EIF5B: variants seen among roughly 807,000 people sequenced by gnomAD.
EIF5B encodes the protein eukaryotic translation initiation factor 5B.
A neutral mutation model predicts 147.5 loss-of-function variants in EIF5B; 47 were observed. The ratio of observed to expected loss-of-function variants is 0.32; its 90% confidence interval spans 0.25 to 0.41. The LOEUF (loss-of-function observed/expected upper bound fraction) is 0.41, where lower values mean the gene tolerates loss of function less well. EIF5B is among the 10% of genes least tolerant of loss of function. The pLI is 1.00. For synonymous variants in EIF5B, 455 were observed against 456.2 expected (o/e 1.00, Z 0.03); for missense variants, 1,064 against 1,413.2 (o/e 0.75, Z 3.96).
chr2:99,384,705 A>G (rs943127215), intron 14 of EIF5B, among the ~76,000 whole-genome samples: 32 of 152,240 alleles, frequency 2.1e-4, no homozygotes, highest in African/African-American at 6.5e-4. Flanking sequence ...GAGGAATTCA[A>G]GATTTCAGTA....
chr2:99,346,663 C>T (rs933045092), intron 1 of EIF5B, among the ~76,000 whole-genome samples: 7 of 147,028 alleles, frequency 4.8e-5, no homozygotes, highest in Non-Finnish European at 8.9e-5. Context: ...CTCCACCTCC[C>T]GGGTTGATGC....
chr2:99,340,881 T>A (rs941464527), intron 1 of EIF5B, among the ~76,000 whole-genome samples: 2 of 152,154 alleles, frequency 1.3e-5, no homozygotes, highest in Non-Finnish European at 2.9e-5. Context: ...GCGATTCTCC[T>A]GCCTCAGCCT....
At chr2:99,377,482 A>G (rs1349448846) in intron 10 of EIF5B, among the ~76,000 whole-genome samples, 2 of 150,946 alleles carry the variant, frequency 1.3e-5, no homozygotes, top group African/African-American at 2.4e-5. Context: ...GCCTTTGCCT[A>G]CTAGATGCCT....
intron 21 of EIF5B, among the ~76,000 whole-genome samples, chr2:99,395,889 G>A (rs1292198146): frequency 6.6e-6 from 1 of 152,158 alleles, no homozygotes; most frequent in African/African-American, 2.4e-5. Flanking sequence ...GACCTGTATC[G>A]TCAAGGATCT....
At chr2:99,348,486 T>C (rs746936259) in intron 1 of EIF5B, among the ~76,000 whole-genome samples, 1 of 152,194 alleles carries the variant, frequency 6.6e-6, no homozygotes, top group Non-Finnish European at 1.5e-5. Context: ...TGATCAAAGA[T>C]GTTCTGGGTA....
chr2:99,346,407 A>C lies in EIF5B; in HGVS notation c.35+8818A>C, dbSNP rs532109259. On this transcript the variant is annotated intron_variant, in intron 1 of 23. Transcript: ENST00000289371. ...AACTTTTTGTTAAAATTTATTAGTA[A>C]TTATTAGTTTGTTAATATTAATGAT... Among the ~76,000 whole-genome samples the C allele has an allele frequency of 3.3e-5, 5 of 152,174 alleles. No individual in the cohort carries two copies. The East Asian group carries it at 9.6e-4, about 29-fold the overall frequency.
chr2:99,373,549 A>G (rs1369553269), intron 9 of EIF5B, among the ~76,000 whole-genome samples: 2 of 152,274 alleles, frequency 1.3e-5, no homozygotes, highest in East Asian at 3.9e-4. Context: ...CCTACCTCCT[A>G]CCAGCAAAAT....
intron 8 of EIF5B, among the ~76,000 whole-genome samples, chr2:99,370,363 A>T (rs1674422889): frequency 6.6e-6 from 1 of 152,182 alleles, no homozygotes; most frequent in African/African-American, 2.4e-5. Flanking sequence ...CAGCGATTAA[A>T]GATAGGATCA....
At chr2:99,352,204 ATT>A (rs754768554) in intron 1 of EIF5B, among the ~76,000 whole-genome samples, 1 of 150,624 alleles carries the variant, frequency 6.6e-6, no homozygotes, top group Non-Finnish European at 1.5e-5. Flanking sequence ...TCTTTTCTTC[ATT>A]TTTTTTGAGA....
intron 6 of EIF5B, among the ~76,000 whole-genome samples, chr2:99,365,734 T>G (rs1306906788): frequency 6.6e-6 from 1 of 151,912 alleles, no homozygotes; most frequent in African/African-American, 2.4e-5. Flanking sequence ...GTGGCATCCC[T>G]GACGCTGGTC....
Position 99,400,534 on chromosome 2 carries a change from TTATATACGTTTGAAAAATC to T in EIF5B, c.*1125_*1143del, listed in dbSNP as rs1214934608. Reference sequence around the variant, plus strand: ...GCATAACATATAACATAAAAATATTTTATATACGTTTGAAAAATCTATACCGTTCTTTTTTATCATCAAA... The same window carrying T: ...GCATAACATATAACATAAAAATATTTTATACCGTTCTTTTTTATCATCAAA... On this transcript the variant is annotated 3_prime_UTR_variant, in exon 24 of 24. Coordinates refer to ENST00000289371, the MANE Select transcript of EIF5B (RefSeq NM_015904.4). 6.6e-6 allele frequency: 1 copy of T among 152,210 alleles called. No individual in the cohort carries two copies. Among genetic ancestry groups the T allele is most frequent in the Non-Finnish European group, 1.5e-5 (1 of 68,040 alleles). 9.4% of individuals were successfully genotyped at this position (152,210 alleles called of 1,614,324 possible). A position where few individuals can be genotyped will look rare whatever the true frequency, so the allele number is the denominator to read the frequency against.
chr2:99,398,756 C>T lies in EIF5B; in HGVS notation c.3402C>T (p.Asp1134=). 6.2e-7 allele frequency: 1 copy of T among 1,610,356 alleles called. No homozygotes were observed. Among genetic ancestry groups the T allele is most frequent in the East Asian group, 2.2e-5 (1 of 44,820 alleles). The change falls in exon 23 of 24, where the codon GAC becomes GAT. Residue 1134 remains aspartate (D), a synonymous_variant. Transcript: ENST00000289371. ...TTGTTCTTATTTTATAGTTTGTTGA[C>T]ATCGGAATAGTAACAAGTATTGAAA... ...PMCVPSKNFV[D]IGIVTSIEIN... is the part of the protein sequence containing the mutation.
intron 1 of EIF5B, among the ~76,000 whole-genome samples, chr2:99,344,418 T>G (rs1461485370): frequency 6.8e-6 from 1 of 147,776 alleles, no homozygotes; most frequent in Non-Finnish European, 1.5e-5. Flanking sequence ...TTGTTGTTGT[T>G]GTTGTTGTTG....
At chr2:99,348,781 G>C (rs2094278354) in intron 1 of EIF5B, among the ~76,000 whole-genome samples, 1 of 152,158 alleles carries the variant, frequency 6.6e-6, no homozygotes, top group Non-Finnish European at 1.5e-5. Context: ...TTGGGGATGG[G>C]GACGGAGGAA....
rs1674885909 is a variant in EIF5B, at chr2:99,389,793, A to G, written c.2347A>G (p.Thr783Ala). The G allele has an allele frequency of 1.2e-6, 2 of 1,613,714 alleles. No homozygotes were observed. Among genetic ancestry groups the G allele is most frequent in the Non-Finnish European group, 1.7e-6 (2 of 1,179,872 alleles). Residue 783 changes from threonine (T) to alanine (A), a missense_variant, in exon 15 of 24, where the codon ACA becomes GCA. Around this residue, in one of 4 missense-constraint regions of EIF5B, gnomAD observed 380 missense variants for 715.6 expected, o/e 0.53. Transcript: ENST00000289371. ...AATLKKQKKN[T>A]KDEFEERAKA... ...TACTTTAAAGAAGCAGAAAAAGAAT[A>G]CAAAAGATGAATTTGAGGAGCGAGC...
At chr2:99,343,007 C>G (rs2094263779) in intron 1 of EIF5B, among the ~76,000 whole-genome samples, 1 of 151,098 alleles carries the variant, frequency 6.6e-6, no homozygotes, top group Non-Finnish European at 1.5e-5. Context: ...GTTGGCCAGG[C>G]TGGAGTGCAG....
At position 99,369,469 on chromosome 2, in the gene EIF5B, C is replaced by T. The variant is rs1674397487; in HGVS notation, c.1465C>T (p.Pro489Ser). ...ACCAGAAAAGGAAGAGACACCACCT[C>T]CTGTTGAACCAGGCGGGTAGTGTTA... is the stretch of plus-strand genomic sequence containing the variant. ...GVPEKEETPP[P>S]VEPEEEEDTE... The change falls in exon 8 of 24, where the codon CCT (proline) becomes TCT (serine). Residue 489 changes from proline (P) to serine (S), a missense_variant. By Grantham distance (74) the Pro-to-Ser change is moderately conservative. Coordinates refer to ENST00000289371, the MANE Select transcript of EIF5B (RefSeq NM_015904.4). 4 of 1,609,240 alleles carry T rather than the reference C, an allele frequency of 2.5e-6. No individual in the cohort carries two copies. The highest frequency in any genetic ancestry group is 2.5e-6 in the Non-Finnish European group (3 of 1,176,890).
chr2:99,355,856 A>C (rs1486507239), intron 1 of EIF5B, among the ~76,000 whole-genome samples: 1 of 152,086 alleles, frequency 6.6e-6, no homozygotes, highest in East Asian at 1.9e-4. Flanking sequence ...CAGATGATCC[A>C]CTTGCCTGGG....
chr2:99,369,574 G>A (rs1674400197), intron 8 of EIF5B, 93 bp downstream of exon 8: 1 of 1,012,732 alleles, frequency 9.9e-7, no homozygotes, highest in Non-Finnish European at 1.4e-6. Context: ...AATAATTGGG[G>A]AGAACCAAAT....
Sources: gnomAD v4.1 joint callset for allele counts (sites outside exome capture counted in the v4.1 genomes callset) on GRCh38, gnomAD v4.1.1 for gene constraint, gnomAD v4.1.1 regional missense constraint, MANE v1.5 for transcripts, NCBI Gene and HGNC (gene_info 2026-07-23, HGNC 2026-07-21) for gene names.